Variants in TBPL1 observed in about 807,000 individuals in gnomAD.
TBPL1 encodes the protein TATA-box binding protein like 1.
In TBPL1, 4 loss-of-function variants were observed where a neutral mutation model predicts 22.1. The observed-to-expected ratio is 0.18, with a 90% CI of 0.09 to 0.41. TBPL1 has a LOEUF of 0.41. Ranked by LOEUF, TBPL1 falls within the 10% of genes least tolerant of loss-of-function variation. TBPL1 has a pLI of 1.00. For synonymous variants in TBPL1, 64 were observed against 71.0 expected, an observed-to-expected ratio of 0.90 and a Z score of 0.50; for missense variants, 115 against 222.3, an observed-to-expected ratio of 0.52 and a Z score of 3.07.
chr6:133,962,844 A>G (rs1776048184), intron 1 of TBPL1, among the ~76,000 whole-genome samples: 3 of 152,176 alleles, frequency 2.0e-5, no homozygotes, highest in Non-Finnish European at 2.9e-5. Context: ...TGTGGAACCT[A>G]TTGTTGAGCT....
At chr6:133,966,899 C>G (rs1310831621) in intron 1 of TBPL1, among the ~76,000 whole-genome samples, 1 of 152,186 alleles carries the variant, frequency 6.6e-6, no homozygotes, top group Non-Finnish European at 1.5e-5. Flanking sequence ...AGTCCATCCT[C>G]CCATTGCAGA....
At chr6:133,962,464 A>G (rs1473434151) in intron 1 of TBPL1, among the ~76,000 whole-genome samples, 2 of 152,148 alleles carry the variant, frequency 1.3e-5, no homozygotes, top group Admixed American at 6.5e-5. Context: ...GAGATGAAGG[A>G]TGATTCTGAA....
At chr6:133,975,866 A>G (rs776870323) in intron 1 of TBPL1, among the ~76,000 whole-genome samples, 1 of 152,180 alleles carries the variant, frequency 6.6e-6, no homozygotes, top group Admixed American at 6.5e-5. Context: ...TTTAAGCTGA[A>G]TGATAGGTAC....
chr6:133,982,923 C>G (rs781266208), intron 4 of TBPL1, 43 bp downstream of exon 4: 7 of 1,530,398 alleles, frequency 4.6e-6, no homozygotes, highest in Non-Finnish European at 6.2e-6. Flanking sequence ...TATTCAAGGA[C>G]TTATTTTTAT....
intron 1 of TBPL1, among the ~76,000 whole-genome samples, chr6:133,970,969 A>G (rs1161900980): frequency 6.6e-6 from 1 of 152,140 alleles, no homozygotes; most frequent in Non-Finnish European, 1.5e-5. Context: ...CCTCTCTTCT[A>G]GCTATTTTAT....
At chr6:133,983,319 T>C (rs1776449043) in intron 4 of TBPL1, among the ~76,000 whole-genome samples, 1 of 152,246 alleles carries the variant, frequency 6.6e-6, no homozygotes, top group Admixed American at 6.5e-5. Flanking sequence ...CTCATCACTA[T>C]AACTTGATAG....
intron 2 of TBPL1, among the ~76,000 whole-genome samples, chr6:133,980,532 G>A (rs1776390487): frequency 6.6e-6 from 1 of 151,924 alleles, no homozygotes; most frequent in South Asian, 2.1e-4. Flanking sequence ...TGAAGAAAGG[G>A]ACCTTTATAT....
chr6:133,957,028 G>C (rs1004252727), intron 1 of TBPL1, among the ~76,000 whole-genome samples: 1 of 152,164 alleles, frequency 6.6e-6, no homozygotes. Context: ...CAAGATTCTG[G>C]AAGTATGTCT....
At chr6:133,973,539 A>G (rs553389985) in intron 1 of TBPL1, among the ~76,000 whole-genome samples, 1 of 152,280 alleles carries the variant, frequency 6.6e-6, no homozygotes, top group African/African-American at 2.4e-5. Context: ...TAAATGCAGT[A>G]GTCTTTGATG....
intron 3 of TBPL1, 82 bp from the exon 4 acceptor site, chr6:133,982,735 A>T: frequency 1.3e-6 from 2 of 1,582,418 alleles, no homozygotes; most frequent in South Asian, 2.3e-5. Flanking sequence ...CAGCAAAATC[A>T]TATGTAAAGT....
chr6:133,952,621 G>A (rs1286506566), upstream of TBPL1: 1 of 152,164 alleles, frequency 6.6e-6, no homozygotes, highest in Non-Finnish European at 1.5e-5. This position sits in a 1 kb window ranked among gnomAD's most constrained non-coding sequence, Gnocchi z 4.5. Flanking sequence ...AATTCGCCTA[G>A]TGAGGAATCT....
chr6:133,982,946 T>G, intron 4 of TBPL1, 66 bp downstream of exon 4: 1 of 1,420,802 alleles, frequency 7.0e-7, no homozygotes, highest in South Asian at 1.3e-5. Flanking sequence ...AATTAAAAAT[T>G]GTAATAGACT....
intron 1 of TBPL1, among the ~76,000 whole-genome samples, chr6:133,958,581 T>G (rs543236665): frequency 4.6e-5 from 7 of 152,336 alleles, no homozygotes; most frequent in African/African-American, 1.7e-4. Context: ...GCTGAAATAA[T>G]AGCTAACTTT....
intron 1 of TBPL1, among the ~76,000 whole-genome samples, chr6:133,976,718 G>A (rs914425689): frequency 6.6e-6 from 1 of 152,044 alleles, no homozygotes; most frequent in Non-Finnish European, 1.5e-5. Flanking sequence ...GGCCTGGCGC[G>A]GTGGCCCACA....
rs1196497693 is a variant in TBPL1 at position 133,987,933 on chromosome 6, G to A, written c.*893G>A. On this transcript the variant is annotated 3_prime_UTR_variant, in exon 7 of 7. Coordinates refer to ENST00000237264, the MANE Select transcript of TBPL1 (RefSeq NM_004865.4). ...TGAGAAAGAAGCTGTGATGAATGGT[G>A]CCTCATTTGGACCTTTGTTTTTCTG... 6.6e-6 allele frequency: 1 copy of A among 152,220 alleles called. No homozygotes were observed. The highest frequency in any genetic ancestry group is 1.5e-5 in the Non-Finnish European group (1 of 68,014). The allele number at this position is 152,220 out of a possible 1,614,324, so 9.4% of individuals were successfully genotyped here.
At chr6:133,977,529 C>T (rs7745126) in intron 1 of TBPL1, among the ~76,000 whole-genome samples, 1,849 of 152,140 alleles carry the variant, frequency 0.012, 32 homozygotes, top group African/African-American at 0.043. Flanking sequence ...AGTAGTAAAT[C>T]TGAGTCAATT....
rs1426639605 is a variant in TBPL1 at position 133,953,290 on chromosome 6, G to C, written c.-180G>C. The C allele has an allele frequency of 6.5e-6, 1 of 152,746 alleles. No homozygotes were observed. The highest frequency in any genetic ancestry group is 6.5e-5 in the Admixed American group (1 of 15,290). The allele number at this position is 152,746 out of a possible 1,614,324, so 9.5% of individuals were successfully genotyped here. ...CCTCGGGGGCTCCTAGCAACGGGCC[G>C]GGGCGGGAGTTCCATGGAGACTGGG... is the stretch of plus-strand genomic sequence containing the variant. On this transcript the variant is annotated 5_prime_UTR_variant, in exon 1 of 7. Transcript: ENST00000237264.
chr6:133,984,290 CTT>C (rs1776468609), intron 4 of TBPL1, 84 bp from the exon 5 acceptor site: 2 of 974,104 alleles, frequency 2.1e-6, no homozygotes, highest in South Asian at 1.6e-5. Flanking sequence ...CTTGTTTGCT[CTT>C]GTTTTTAAGG....
intron 1 of TBPL1, among the ~76,000 whole-genome samples, chr6:133,977,805 T>C (rs916270181): frequency 2.0e-5 from 3 of 152,210 alleles, no homozygotes; most frequent in Admixed American, 6.5e-5. Context: ...ATCTTGTTGT[T>C]CTACCATCCT....
Sources: gnomAD v4.1 joint callset for allele counts (sites outside exome capture counted in the v4.1 genomes callset) on GRCh38, gnomAD v4.1.1 for gene constraint, Gnocchi (gnomAD v3.1) non-coding constraint, MANE v1.5 for transcripts, NCBI Gene and HGNC (gene_info 2026-07-23, HGNC 2026-07-21) for gene names.